The following CNTN4 variants were observed in gnomAD, a reference collection of about 807,000 sequenced individuals.
The protein encoded by CNTN4 is contactin-4.
CNTN4 carries 77 observed loss-of-function variants against 122.5 expected under a neutral mutation model. That is an observed-to-expected ratio of 0.63 (90% CI 0.52 to 0.76). The LOEUF (loss-of-function observed/expected upper bound fraction) is 0.76. Among genes scored for constraint, CNTN4 ranks in the 30% least tolerant of loss-of-function variants. The probability of loss-of-function intolerance (pLI) is 0.00; values close to 1 mark genes in which losing one functional copy is unlikely to be tolerated. For synonymous variants in CNTN4, 512 were observed against 447.0 expected, an observed-to-expected ratio of 1.15 and a Z score of -1.83; for missense variants, 1,256 against 1,259.1, an observed-to-expected ratio of 1.00 and a Z score of 0.04.
At chr3:2,171,617 T>G (rs191568153) in intron 2 of CNTN4, among the ~76,000 whole-genome samples, 65 of 152,274 alleles carry the variant, frequency 4.3e-4, no homozygotes, top group African/African-American at 1.5e-3. Flanking sequence ...CCTGTATGAT[T>G]GAGATCCTAA....
At chr3:3,006,216 C>T (rs375520982) in intron 14 of CNTN4, among the ~76,000 whole-genome samples, 1 of 151,864 alleles carries the variant, frequency 6.6e-6, no homozygotes, top group East Asian at 1.9e-4. Context: ...GTTATCTAAA[C>T]GTACTTTTGG....
At chr3:2,370,833 G>A (rs1254197494) in intron 3 of CNTN4, among the ~76,000 whole-genome samples, 1 of 152,084 alleles carries the variant, frequency 6.6e-6, no homozygotes, top group African/African-American at 2.4e-5. Flanking sequence ...ATTACATGGT[G>A]CATCCCCCCA....
intron 4 of CNTN4, among the ~76,000 whole-genome samples, chr3:2,616,353 C>G (rs1485478181): frequency 6.6e-6 from 1 of 152,046 alleles, no homozygotes; most frequent in African/African-American, 2.4e-5. Context: ...GTATATGTAC[C>G]ACATTTTCTT....
At chr3:2,970,154 G>C (rs138865436) in intron 13 of CNTN4, among the ~76,000 whole-genome samples, 76 of 152,186 alleles carry the variant, frequency 5.0e-4, no homozygotes, top group African/African-American at 1.7e-3. Flanking sequence ...TGCAGCAGCA[G>C]CATAATCGTA....
intron 14 of CNTN4, among the ~76,000 whole-genome samples, chr3:3,005,273 A>G (rs1696503439): frequency 4.6e-5 from 7 of 152,212 alleles, no homozygotes; most frequent in Admixed American, 4.6e-4. Context: ...TTGTCTTTGC[A>G]ATATGGATAG....
chr3:2,953,105 G>A (rs969990865), intron 13 of CNTN4, among the ~76,000 whole-genome samples: 1 of 152,166 alleles, frequency 6.6e-6, no homozygotes, highest in East Asian at 1.9e-4. Flanking sequence ...GACATAAACT[G>A]TGTCCACTAT....
intron 2 of CNTN4, among the ~76,000 whole-genome samples, chr3:2,292,432 T>C (rs1164132463): frequency 6.6e-6 from 1 of 152,232 alleles, no homozygotes; most frequent in African/African-American, 2.4e-5. Flanking sequence ...TATTGAATTT[T>C]TCAGGATTAT....
intron 3 of CNTN4, among the ~76,000 whole-genome samples, chr3:2,376,705 AGGTC>A (rs1256893150): frequency 1.3e-5 from 2 of 150,096 alleles, no homozygotes; most frequent in African/African-American, 2.5e-5. Flanking sequence ...AAAAAAAAAA[AGGTC>A]AGGTTAACAT....
chr3:2,577,785 C>T (rs961290973), intron 4 of CNTN4, among the ~76,000 whole-genome samples: 8 of 152,182 alleles, frequency 5.3e-5, no homozygotes, highest in South Asian at 4.2e-4. Flanking sequence ...CAGCAAGAGG[C>T]GTGAAGACAT....
intron 2 of CNTN4, among the ~76,000 whole-genome samples, chr3:2,307,944 G>A (rs550450325): frequency 4.0e-4 from 61 of 152,220 alleles, no homozygotes; most frequent in Middle Eastern, 6.8e-3. Context: ...CTTATGTAAT[G>A]AGCCTGGAAG....
At chr3:2,119,508 C>T (rs1329058013) in intron 2 of CNTN4, among the ~76,000 whole-genome samples, 1 of 152,158 alleles carries the variant, frequency 6.6e-6, no homozygotes, top group Non-Finnish European at 1.5e-5. Flanking sequence ...ACTGCCATCT[C>T]CAACACTATT....
rs1270387793 is a variant in CNTN4, at chr3:3,003,935, T to C, written c.1486+15463T>C. The stretch of plus-strand genomic sequence containing the variant: ...ACCAAGCCCTACTAATTTTTCTGTA[T>C]TTTTTGTAGAGACAGGGTTTCGCCA... On this transcript the variant is annotated intron_variant, in intron 14 of 24. Coordinates refer to ENST00000418658, the MANE Select transcript of CNTN4 (RefSeq NM_175607.3). 3.3e-5 allele frequency among the ~76,000 whole-genome samples: 5 copies of C among 151,976 alleles called. No homozygotes were observed. In the South Asian group the frequency reaches 1.0e-3, roughly 31 times the overall value.
At chr3:2,671,573 G>A (rs2084515845) in intron 4 of CNTN4, among the ~76,000 whole-genome samples, 1 of 152,100 alleles carries the variant, frequency 6.6e-6, no homozygotes, top group Non-Finnish European at 1.5e-5. Flanking sequence ...ATCATCTGAA[G>A]CCTTCTTCTC....
At chr3:2,315,968 C>G (rs781672767) in intron 2 of CNTN4, among the ~76,000 whole-genome samples, 1 of 151,940 alleles carries the variant, frequency 6.6e-6, no homozygotes, top group Non-Finnish European at 1.5e-5. Flanking sequence ...ATCACTTAGT[C>G]AAAAACTTAT....
intron 4 of CNTN4, among the ~76,000 whole-genome samples, chr3:2,613,663 C>G (rs919910019): frequency 1.3e-5 from 2 of 152,040 alleles, no homozygotes; most frequent in African/African-American, 4.8e-5. Context: ...CAGAGTTACA[C>G]TATAATTCAT....
intron 6 of CNTN4, among the ~76,000 whole-genome samples, chr3:2,757,537 C>T (rs1178591220): frequency 2.6e-5 from 4 of 152,160 alleles, no homozygotes; most frequent in African/African-American, 9.7e-5. Context: ...GCGATGTTAT[C>T]GTTGATGTTA....
intron 2 of CNTN4, among the ~76,000 whole-genome samples, chr3:2,113,667 G>A (rs1458465434): frequency 6.8e-6 from 1 of 146,158 alleles, no homozygotes; most frequent in Non-Finnish European, 1.5e-5. Context: ...TTGGCCAAAT[G>A]ATGATCAGAG....
rs1349692946 is a variant in CNTN4 at position 2,925,699 on chromosome 3, C to T, written c.1278C>T (p.Val426=). The T allele has an allele frequency of 6.2e-7, 1 of 1,613,810 alleles. No homozygotes were observed. Residue 426 remains valine, a synonymous_variant, in exon 13 of 25, where the codon GTC becomes GTT. Transcript: ENST00000418658. ...TTGTCAAAGTGGGAGGTGAAGTTGT[C>T]ATTGAGTGTAAGCCAAAAGCGTCTC... The part of the protein sequence containing the change: ...VTLVKVGGEV[V]IECKPKASPK...
chr3:2,151,578 A>G (rs940963599), intron 2 of CNTN4, among the ~76,000 whole-genome samples: 1 of 152,012 alleles, frequency 6.6e-6, no homozygotes, highest in Non-Finnish European at 1.5e-5. Context: ...TCCAAAACTC[A>G]TGTCGAAATT....
Sources: gnomAD v4.1 joint callset for allele counts (sites outside exome capture counted in the v4.1 genomes callset) on GRCh38, gnomAD v4.1.1 for gene constraint, MANE v1.5 for transcripts, NCBI Gene and HGNC (gene_info 2026-07-23, HGNC 2026-07-21) for gene names.